Variants in STON2 observed in about 807,000 individuals in gnomAD.
STON2 encodes stonin 2.
In STON2, 29 loss-of-function variants were observed where a neutral mutation model predicts 65.7. The ratio of observed to expected loss-of-function variants is 0.44; its 90% CI spans 0.33 to 0.60. STON2 has a LOEUF of 0.60. Ranked by LOEUF, STON2 falls within the 20% of genes least tolerant of loss-of-function variation. The pLI, the probability that STON2 is intolerant of heterozygous loss-of-function variation, is 0.03. For missense variants in STON2, 1,054 were observed against 1,118.1 expected, an observed-to-expected ratio of 0.94 and a Z score of 0.82; for synonymous variants, 404 against 414.2, an observed-to-expected ratio of 0.98 and a Z score of 0.30.
intron 4 of STON2, among the ~76,000 whole-genome samples, chr14:81,331,069 A>G (rs922000768): frequency 2.0e-5 from 3 of 152,366 alleles, no homozygotes; most frequent in Admixed American, 6.5e-5. Flanking sequence ...ATGGGTCAAA[A>G]GCACCTGAGA....
At chr14:81,430,266 T>C (rs976923657) in intron 1 of STON2, among the ~76,000 whole-genome samples, 10 of 152,234 alleles carry the variant, frequency 6.6e-5, no homozygotes, top group South Asian at 2.1e-4. Context: ...TTAACTATCA[T>C]TGATTTTATA....
chr14:81,341,857 C>G (rs941455140), intron 4 of STON2, among the ~76,000 whole-genome samples: 1 of 152,272 alleles, frequency 6.6e-6, no homozygotes, highest in East Asian at 1.9e-4. Flanking sequence ...ATCTTCATGT[C>G]GTAAAATCAC....
In STON2 at chr14:81,268,199, G is replaced by C. The variant is rs1465086130; in HGVS notation, c.*215C>G. On this transcript the variant is annotated 3_prime_UTR_variant, in exon 8 of 8. Transcript: ENST00000614646. ...GAACCTCGTGCTTTAGGCATGACCA[G>C]AATCAAAGAGCCTCTCCAAAAGCCA... 2 of 1,142,378 alleles carry C rather than the reference G, an allele frequency of 1.8e-6. No individual in the cohort carries two copies. Among genetic ancestry groups the C allele is most frequent in the Non-Finnish European group, 2.2e-6 (2 of 919,824 alleles). 70.8% of individuals were successfully genotyped at this position (1,142,378 alleles called of 1,614,324 possible).
At chr14:81,358,194 A>C (rs969777750) in intron 4 of STON2, among the ~76,000 whole-genome samples, 12 of 152,174 alleles carry the variant, frequency 7.9e-5, no homozygotes, top group Non-Finnish European at 1.6e-4. Context: ...ACTATTAATA[A>C]CAACTATAGC....
intron 5 of STON2, chr14:81,323,441 C>T (rs1896891850): frequency 7.1e-6 from 1 of 141,776 alleles, no homozygotes; most frequent in South Asian, 2.1e-4. Flanking sequence ...CTTTTTTCTT[C>T]CCATTAGCAC....
intron 1 of STON2, among the ~76,000 whole-genome samples, chr14:81,429,090 C>T (rs1902120002): frequency 6.6e-6 from 1 of 152,184 alleles, no homozygotes; most frequent in African/African-American, 2.4e-5. Flanking sequence ...ATGATCTCAC[C>T]CCAAGCTTAA....
intron 4 of STON2, among the ~76,000 whole-genome samples, chr14:81,369,292 T>C (rs1035376782): frequency 3.9e-5 from 6 of 152,226 alleles, no homozygotes; most frequent in East Asian, 3.9e-4. Context: ...TATGACACTG[T>C]TAGAATGACT....
intron 4 of STON2, among the ~76,000 whole-genome samples, chr14:81,346,450 T>G (rs556775355): frequency 2.0e-5 from 3 of 152,250 alleles, no homozygotes; most frequent in African/African-American, 7.2e-5. Flanking sequence ...ACTCATTAGC[T>G]TGGACATTAG....
chr14:81,264,319 G>A lies in STON2; in HGVS notation c.*4095C>T. The A allele has an allele frequency of 5.1e-6, 5 of 985,446 alleles. No individual in the cohort carries two copies. The highest frequency in any genetic ancestry group is 6.0e-6 in the Non-Finnish European group (5 of 829,932). The allele number at this position is 985,446 out of a possible 1,614,324, so 61.0% of individuals were successfully genotyped here. On this transcript the variant is annotated 3_prime_UTR_variant, in exon 8 of 8. Coordinates refer to ENST00000614646, the MANE Select transcript of STON2 (RefSeq NM_001394390.1). ...AAGCAAAATTATTTAAGTCCTTCAG[G>A]AAATAAAAGCATGCTTGCTGGCTTT...
intron 4 of STON2, among the ~76,000 whole-genome samples, chr14:81,328,123 C>T (rs945279830): frequency 1.3e-5 from 2 of 152,104 alleles, no homozygotes; most frequent in African/African-American, 2.4e-5. Context: ...CTAGTTTCAT[C>T]GCTGTCTCCC....
intron 3 of STON2, among the ~76,000 whole-genome samples, chr14:81,380,228 A>C (rs1303388127): frequency 6.6e-6 from 1 of 152,252 alleles, no homozygotes; most frequent in African/African-American, 2.4e-5. Flanking sequence ...GCAAACAAGC[A>C]TATGAAAAAA....
intron 4 of STON2, among the ~76,000 whole-genome samples, 32 bp from the exon 5 acceptor site, chr14:81,324,219 T>C (rs1363424857): frequency 1.3e-5 from 2 of 151,682 alleles, no homozygotes; most frequent in Admixed American, 6.6e-5. Context: ...GAAAAAAAAA[T>C]GTGCAGGTTA....
intron 6 of STON2, among the ~76,000 whole-genome samples, chr14:81,272,884 G>C (rs560538146): frequency 1.3e-5 from 2 of 152,266 alleles, no homozygotes; most frequent in South Asian, 4.1e-4. Flanking sequence ...AAAAAAATTA[G>C]GTTTCTCTGA....
At chr14:81,393,520 C>T (rs112357093) in intron 3 of STON2, among the ~76,000 whole-genome samples, 1 of 152,194 alleles carries the variant, frequency 6.6e-6, no homozygotes, top group Non-Finnish European at 1.5e-5. Flanking sequence ...AGCTCTCCTG[C>T]CATTTCCTAG....
At chr14:81,319,381 A>T (rs2140237224) in intron 5 of STON2, among the ~76,000 whole-genome samples, 1 of 152,234 alleles carries the variant, frequency 6.6e-6, no homozygotes, top group South Asian at 2.1e-4. Context: ...AGTGTCCAGG[A>T]TTTATTCATG....
intron 6 of STON2, among the ~76,000 whole-genome samples, chr14:81,275,456 G>T (rs1266576181): frequency 6.6e-6 from 1 of 151,956 alleles, no homozygotes; most frequent in Non-Finnish European, 1.5e-5. Flanking sequence ...TAATTCCATG[G>T]TTGTCTCTTT....
At position 81,277,069 on chromosome 14, in the gene STON2, G is replaced by A. The variant is rs148583105; in HGVS notation, c.2413C>T (p.Leu805=). The A allele has an allele frequency of 2.5e-6, 4 of 1,614,030 alleles. No homozygotes were observed. In the African/African-American group the frequency reaches 5.3e-5, roughly 22 times the overall value. ...WVKNFRRESV[L]GEKSLKAKVN... Reference sequence around the variant, plus strand: ...TTGGCTTTCAAAGACTTTTCCCCCAGGACACTTTCCCTGCGGAAGTTTTTC... The same window carrying A: ...TTGGCTTTCAAAGACTTTTCCCCCAAGACACTTTCCCTGCGGAAGTTTTTC... Residue 805 remains leucine (L), a synonymous_variant, in exon 6 of 8, where the codon CTG becomes TTG. Transcript: ENST00000614646.
chr14:81,423,208 G>C (rs986211313), intron 2 of STON2, among the ~76,000 whole-genome samples: 4 of 151,932 alleles, frequency 2.6e-5, no homozygotes, highest in Admixed American at 2.6e-4. Flanking sequence ...CTCAAGTTAG[G>C]GCCAAGACCA....
At chr14:81,298,962 G>A (rs1178309518) in intron 5 of STON2, among the ~76,000 whole-genome samples, 1 of 152,106 alleles carries the variant, frequency 6.6e-6, no homozygotes, top group Non-Finnish European at 1.5e-5. Context: ...ACAGACAAGA[G>A]AACGACATAA....
Sources: allele counts gnomAD v4.1 joint callset (sites outside exome capture counted in the v4.1 genomes callset), GRCh38; gene constraint gnomAD v4.1.1; transcripts MANE v1.5; gene names NCBI Gene and HGNC (gene_info 2026-07-23, HGNC 2026-07-21).